The following FGGY variants were observed in gnomAD, a reference collection of about 807,000 sequenced individuals.
The protein encoded by FGGY is FGGY carbohydrate kinase domain-containing protein.
Under a neutral mutation model 71.3 loss-of-function variants are expected in FGGY, and 72 were observed. The ratio of observed to expected loss-of-function variants is 1.01; its 90% CI spans 0.84 to 1.23. FGGY has a LOEUF of 1.23. Among genes scored for constraint, FGGY ranks in the 50% most tolerant of loss-of-function variants. The pLI is 0.00. For missense variants in FGGY, 668 were observed against 682.3 expected (o/e 0.98, Z 0.23); for synonymous variants, 251 against 250.3 (o/e 1.00, Z -0.02).
rs562301203 is a variant in FGGY, at chr1:59,427,363, G to A, written c.555-29598G>A. ...AAACAGATGGCCTCAGGTGGTGACT[G>A]ATCTCTTGGTGACACTAACTGCATA... On this transcript the variant is annotated intron_variant, in intron 5 of 15. Coordinates refer to ENST00000303721, the MANE Select transcript of FGGY (RefSeq NM_018291.5). 4.6e-5 allele frequency among the ~76,000 whole-genome samples: 7 copies of A among 152,318 alleles called. No individual in the cohort carries two copies. The South Asian group carries it at 1.4e-3, about 32-fold the overall frequency.
chr1:59,378,957 G>T, intron 5 of FGGY, 120 bp downstream of exon 5: 1 of 766,416 alleles, frequency 1.3e-6, no homozygotes, highest in South Asian at 1.7e-5. Flanking sequence ...ATGTGATTTT[G>T]CATACATGAA....
At chr1:59,424,400 A>G (rs2065976636) in intron 5 of FGGY, among the ~76,000 whole-genome samples, 2 of 152,156 alleles carry the variant, frequency 1.3e-5, no homozygotes, top group African/African-American at 2.4e-5. Context: ...TACAAAAATT[A>G]GCTGGACGTG....
intron 6 of FGGY, among the ~76,000 whole-genome samples, chr1:59,463,008 C>G (rs533802738): frequency 6.6e-6 from 1 of 152,100 alleles, no homozygotes; most frequent in African/African-American, 2.4e-5. Flanking sequence ...CACATGCACA[C>G]GTATGTTTAT....
In FGGY at chr1:59,468,053, G is replaced by A. The variant is rs142186501; in HGVS notation, c.670+10977G>A. 4.0e-3 allele frequency among the ~76,000 whole-genome samples: 612 copies of A among 152,042 alleles called. 7 individuals are homozygous for A. Among genetic ancestry groups the A allele is most frequent in the African/African-American group, 0.014 (584 of 41,462 alleles). On this transcript the variant is annotated intron_variant, in intron 6 of 15. Transcript: ENST00000303721. ...CGAGTAGCTGGGATTACAGGCATGCGCCACCATACCTGGCTAATTTTGTAT... is the reference window on the plus strand; with the variant it reads ...CGAGTAGCTGGGATTACAGGCATGCACCACCATACCTGGCTAATTTTGTAT...
rs150223641 is a variant in FGGY at position 59,746,482 on chromosome 1, A to G, written c.1513-11449A>G. Among the ~76,000 whole-genome samples, 1,250 of 151,658 alleles carry G rather than the reference A, an allele frequency of 8.2e-3. 16 individuals are homozygous for G. The highest frequency in any genetic ancestry group is 0.029 in the African/African-American group (1,185 of 41,520). On this transcript the variant is annotated intron_variant, in intron 14 of 15. Transcript: ENST00000303721. ...AGTCCATCCAATAGGCCTATAAAAT[A>G]GGTATTAAAACTTCCCTTTTTTTGA...
At chr1:59,554,101 G>A (rs1309693731) in intron 7 of FGGY, 23 bp from the exon 8 acceptor site, 2 of 1,555,244 alleles carry the variant, frequency 1.3e-6, no homozygotes, top group South Asian at 2.2e-5. Flanking sequence ...AAGAGGATTT[G>A]TTTTTGTTTT....
At chr1:59,373,433 C>T (rs1198979693) in intron 4 of FGGY, among the ~76,000 whole-genome samples, 1 of 152,126 alleles carries the variant, frequency 6.6e-6, no homozygotes, top group African/African-American at 2.4e-5. Flanking sequence ...AAGAACATTC[C>T]ATGCTCATGG....
At chr1:59,686,344 A>T (rs1335677793) in intron 14 of FGGY, among the ~76,000 whole-genome samples, 1 of 152,176 alleles carries the variant, frequency 6.6e-6, no homozygotes, top group Non-Finnish European at 1.5e-5. Flanking sequence ...TGCTAAAATG[A>T]AGCACCCGTC....
In FGGY at chr1:59,584,820, A is replaced by C. The variant is rs183528561; in HGVS notation, c.904-22983A>C. On this transcript the variant is annotated intron_variant, in intron 8 of 15. Transcript: ENST00000303721. The stretch of plus-strand genomic sequence containing the variant: ...TTAAGCTGATAGGCAACTTCAGCAA[A>C]GTTTCAGGATACAAAATCAATGTGC... 1.4e-4 allele frequency among the ~76,000 whole-genome samples: 21 copies of C among 150,334 alleles called. 2 individuals carry two copies. Among genetic ancestry groups the C allele is most frequent in the African/African-American group, 5.0e-4 (20 of 39,938 alleles).
chr1:59,660,622 G>T (rs2097265771), intron 12 of FGGY, among the ~76,000 whole-genome samples: 2 of 152,190 alleles, frequency 1.3e-5, no homozygotes, highest in South Asian at 4.1e-4. Flanking sequence ...AAGTTGTTAA[G>T]AATGTCTGAT....
chr1:59,301,446 C>T (rs1280746903), intron 1 of FGGY, among the ~76,000 whole-genome samples: 3 of 152,046 alleles, frequency 2.0e-5, no homozygotes, highest in African/African-American at 7.2e-5. Flanking sequence ...TTTTATTTTT[C>T]TTGCTGTATT....
chr1:59,623,854 C>T (rs2096833034), intron 9 of FGGY, among the ~76,000 whole-genome samples: 1 of 152,206 alleles, frequency 6.6e-6, no homozygotes, highest in South Asian at 2.1e-4. Flanking sequence ...TACTAAATAA[C>T]TGCATTCATG....
rs139537509 is a variant in FGGY, at chr1:59,673,696, C to T, written c.1418-343C>T. On this transcript the variant is annotated intron_variant, in intron 13 of 15. Coordinates refer to ENST00000303721, the MANE Select transcript of FGGY (RefSeq NM_018291.5). ...AGTCCGATTCATCTCAGTATTCCCTCGGCCAGCAGAGCGCTTAATAAACAT... is the reference window on the plus strand; with the variant it reads ...AGTCCGATTCATCTCAGTATTCCCTTGGCCAGCAGAGCGCTTAATAAACAT... 12 of 249,502 alleles carry T rather than the reference C, an allele frequency of 4.8e-5. No homozygotes were observed. The East Asian group carries it at 5.3e-4, about 11-fold the overall frequency. 15.5% of individuals were successfully genotyped at this position (249,502 alleles called of 1,614,324 possible).
At chr1:59,468,349 G>A (rs1043193581) in intron 6 of FGGY, among the ~76,000 whole-genome samples, 2 of 152,134 alleles carry the variant, frequency 1.3e-5, no homozygotes, top group Non-Finnish European at 2.9e-5. Context: ...ACGGGTCCCT[G>A]CAGAAGATAC....
chr1:59,402,563 G>A (rs2153408623), intron 5 of FGGY, among the ~76,000 whole-genome samples: 1 of 152,298 alleles, frequency 6.6e-6, no homozygotes, highest in East Asian at 1.9e-4. Flanking sequence ...TGCGGACTCT[G>A]AAGAATTTGA....
intron 6 of FGGY, among the ~76,000 whole-genome samples, chr1:59,462,765 C>G (rs1232427239): frequency 6.6e-6 from 1 of 152,134 alleles, no homozygotes; most frequent in Admixed American, 6.5e-5. Context: ...GAGATACCAT[C>G]TCACACCAGT....
intron 6 of FGGY, among the ~76,000 whole-genome samples, chr1:59,464,925 C>A (rs929975551): frequency 6.6e-6 from 1 of 151,998 alleles, no homozygotes; most frequent in Non-Finnish European, 1.5e-5. Flanking sequence ...AGATTCACAG[C>A]CGACTTCTAC....
chr1:59,404,103 G>A (rs1053843019), intron 5 of FGGY, among the ~76,000 whole-genome samples: 2 of 152,162 alleles, frequency 1.3e-5, no homozygotes, highest in Non-Finnish European at 2.9e-5. Flanking sequence ...TTCTGGAAGA[G>A]TTTGATAAGT....
At chr1:59,597,782 C>T (rs529503414) in intron 8 of FGGY, among the ~76,000 whole-genome samples, 2 of 152,298 alleles carry the variant, frequency 1.3e-5, no homozygotes, top group South Asian at 2.1e-4. Context: ...ATCCTTTTAA[C>T]GGAACTCTAA....
Sources: gnomAD v4.1 joint callset for allele counts (sites outside exome capture counted in the v4.1 genomes callset) on GRCh38, gnomAD v4.1.1 for gene constraint, MANE v1.5 for transcripts, NCBI Gene and HGNC (gene_info 2026-07-23, HGNC 2026-07-21) for gene names.